Variants in ADNP2 observed in about 807,000 individuals in gnomAD.
ADNP2 encodes ADNP homeobox 2.
A neutral mutation model predicts 16.4 loss-of-function variants in ADNP2; 8 were observed. The ratio of observed to expected loss-of-function variants is 0.49; its 90% CI spans 0.29 to 0.88. The LOEUF is 0.88. Ranked by LOEUF, ADNP2 falls within the 40% of genes least tolerant of loss-of-function variation. The pLI is 0.09. For synonymous variants in ADNP2, 637 were observed against 545.8 expected (o/e 1.17, Z -2.33); for missense variants, 1,397 against 1,395.1 (o/e 1.00, Z -0.02).
At position 80,134,854 on chromosome 18, in the gene ADNP2, T is replaced by C. The variant is rs192753290; in HGVS notation, c.199-758T>C. The stretch of plus-strand genomic sequence containing the variant: ...CTTTACTGTTTTATCAGATAGTTTA[T>C]TGGGTACCTGCATGGGCCAAACACT... On this transcript the variant is annotated intron_variant, in intron 3 of 3. Coordinates refer to ENST00000262198, the MANE Select transcript of ADNP2 (RefSeq NM_014913.4). Among the ~76,000 whole-genome samples the C allele has an allele frequency of 4.1e-4, 62 of 152,324 alleles. 2 individuals carry two copies. The East Asian group carries it at 7.1e-3, about 18-fold the overall frequency.
chr18:80,131,093 C>T (rs1455081570), intron 2 of ADNP2, among the ~76,000 whole-genome samples: 1 of 152,188 alleles, frequency 6.6e-6, no homozygotes, highest in African/African-American at 2.4e-5. Flanking sequence ...TACGTTTCCT[C>T]CCTTCCCTAC....
At chr18:80,133,558 A>T (rs2052512184) in intron 3 of ADNP2, 1 of 207,382 alleles carries the variant, frequency 4.8e-6, no homozygotes, top group African/African-American at 2.4e-5. Context: ...TGAAATAAAA[A>T]TGTAGACCTC....
chr18:80,115,528 A>G (rs2052383584), intron 1 of ADNP2, among the ~76,000 whole-genome samples: 1 of 152,204 alleles, frequency 6.6e-6, no homozygotes, highest in Non-Finnish European at 1.5e-5. Flanking sequence ...GTTGAAAACA[A>G]TGAGTTCACT....
chr18:80,110,212 C>A (rs969973557), intron 1 of ADNP2, among the ~76,000 whole-genome samples: 1 of 152,168 alleles, frequency 6.6e-6, no homozygotes, highest in Non-Finnish European at 1.5e-5. Flanking sequence ...GAAATAGATT[C>A]CGTTTACAAA....
Position 80,138,047 on chromosome 18 carries a change from C to T in ADNP2, c.2634C>T (p.Pro878=), listed in dbSNP as rs1231970009. The T allele has an allele frequency of 6.2e-7, 1 of 1,613,864 alleles. No individual in the cohort carries two copies. Among genetic ancestry groups the T allele is most frequent in the African/African-American group, 1.3e-5 (1 of 75,056 alleles). Residue 878 remains proline (P), a synonymous_variant, in exon 4 of 4, where the codon CCC becomes CCT. Transcript: ENST00000262198. ...GSTGKRVSTC[P]FCFGPFVTTE... ...CCGGCAAGCGAGTGTCCACCTGCCC[C>T]TTTTGCTTTGGCCCCTTTGTGACAA...
At chr18:80,113,918 T>C (rs531087722) in intron 1 of ADNP2, among the ~76,000 whole-genome samples, 7 of 152,220 alleles carry the variant, frequency 4.6e-5, no homozygotes, top group African/African-American at 1.7e-4. Context: ...GAGCTGGGCA[T>C]GGTGGTTCAT....
rs570916938 is a variant in ADNP2 at position 80,115,777 on chromosome 18, G to A, written c.-13-1753G>A. Reference sequence around the variant, plus strand: ...TCTCCCAGCCCTGGCAGCCACTGTTGTGCTTTTTTTTTCTGGGGACGGAGT... The same window carrying A: ...TCTCCCAGCCCTGGCAGCCACTGTTATGCTTTTTTTTTCTGGGGACGGAGT... On this transcript the variant is annotated intron_variant, in intron 1 of 3. Coordinates refer to ENST00000262198, the MANE Select transcript of ADNP2 (RefSeq NM_014913.4). Among the ~76,000 whole-genome samples, 145 of 152,188 alleles carry A rather than the reference G, an allele frequency of 9.5e-4. 1 individual carries two copies. Among genetic ancestry groups the A allele is most frequent in the African/African-American group, 3.4e-3 (141 of 41,518 alleles).
Position 80,138,486 on chromosome 18 carries a change from A to G in ADNP2, c.3073A>G (p.Arg1025Gly), listed in dbSNP as rs2052558723. ...VPFKRQRNES[R>G]TEGPIVKDEA... ...TTTTAAAAGACAAAGGAATGAAAGC[A>G]GAACAGAGGGACCTATTGTCAAGGA... Residue 1025 changes from arginine (R) to glycine (G), a missense_variant, in exon 4 of 4, where the codon AGA becomes GGA. Arg to Gly is a moderately radical substitution (Grantham distance 125, BLOSUM62 -2). Coordinates refer to ENST00000262198, the MANE Select transcript of ADNP2 (RefSeq NM_014913.4). 5.6e-6 allele frequency: 9 copies of G among 1,614,180 alleles called. No homozygotes were observed. Among genetic ancestry groups the G allele is most frequent in the Non-Finnish European group, 7.6e-6 (9 of 1,180,050 alleles).
At position 80,136,450 on chromosome 18, in the gene ADNP2, C is replaced by G. The variant is rs747171404; in HGVS notation, c.1037C>G (p.Thr346Ser). Residue 346 changes from threonine (T) to serine (S), a missense_variant, in exon 4 of 4, where the codon ACC (threonine) becomes AGC (serine). Thr to Ser is a moderately conservative substitution (Grantham distance 58). Coordinates refer to ENST00000262198, the MANE Select transcript of ADNP2 (RefSeq NM_014913.4). ...CTGCCTGTGGGCCAGAACAGCCTCA[C>G]CCTGCAGCCCCCAGCACCTCAGCCC... ...SPLPVGQNSLTLQPPAPQPVF... is the reference protein window; with the variant it reads ...SPLPVGQNSLSLQPPAPQPVF... 6.2e-6 allele frequency: 10 copies of G among 1,614,070 alleles called. No individual in the cohort carries two copies. The South Asian group carries it at 7.7e-5, about 12-fold the overall frequency.
At position 80,140,173 on chromosome 18, in the gene ADNP2, T is replaced by A. The variant is rs1021631412; in HGVS notation, c.*1364T>A. On this transcript the variant is annotated 3_prime_UTR_variant, in exon 4 of 4. Coordinates refer to ENST00000262198, the MANE Select transcript of ADNP2 (RefSeq NM_014913.4). ...GTTACTATGTGGATTTTAAAAAATA[T>A]AATACTTGCATGTAATTGCTATAAT... The A allele has an allele frequency of 6.6e-6, 1 of 152,376 alleles. No homozygotes were observed. The highest frequency in any genetic ancestry group is 1.5e-5 in the Non-Finnish European group (1 of 68,040). The allele number at this position is 152,376 out of a possible 1,614,324, so 9.4% of individuals were successfully genotyped here. A position where few individuals can be genotyped will look rare whatever the true frequency, so the allele number is the denominator to read the frequency against.
chr18:80,133,986 C>T (rs2052515105), intron 3 of ADNP2, among the ~76,000 whole-genome samples: 1 of 152,110 alleles, frequency 6.6e-6, no homozygotes, highest in African/African-American at 2.4e-5. Flanking sequence ...GTGCATGCCA[C>T]CATGCCCAGA....
Position 80,137,735 on chromosome 18 carries a change from C to T in ADNP2, c.2322C>T (p.Phe774=), listed in dbSNP as rs766509897. 24 of 1,614,014 alleles carry T rather than the reference C, an allele frequency of 1.5e-5. No homozygotes were observed. Among genetic ancestry groups the T allele is most frequent in the Non-Finnish European group, 1.9e-5 (23 of 1,180,050 alleles). The change falls in exon 4 of 4, where the codon TTC becomes TTT. Residue 774 remains phenylalanine (F), a synonymous_variant. Transcript: ENST00000262198. This position sits in a 1 kb window ranked among gnomAD's most constrained non-coding sequence, Gnocchi z 4.2. ...TGATGCATGGCTTGGGGTGCTTGTT[C>T]TGTCCATGCACCTTCCATGATATCA... ...HLLMHGLGCL[F]CPCTFHDIKG...
rs1213615395 is a variant in ADNP2, at chr18:80,139,330, A to C, written c.*521A>C. 6.6e-6 allele frequency: 1 copy of C among 151,652 alleles called. No individual in the cohort carries two copies. Among genetic ancestry groups the C allele is most frequent in the African/African-American group, 2.4e-5 (1 of 41,288 alleles). 9.4% of individuals were successfully genotyped at this position (151,652 alleles called of 1,614,324 possible). ...GGATGCACTGCATTAACTTACGCTG[A>C]CTTCTTTGTAAGATCTTTGCTTATA... On this transcript the variant is annotated 3_prime_UTR_variant, in exon 4 of 4. Coordinates refer to ENST00000262198, the MANE Select transcript of ADNP2 (RefSeq NM_014913.4).
At chr18:80,125,896 C>T (rs999779115) in intron 2 of ADNP2, among the ~76,000 whole-genome samples, 7 of 152,170 alleles carry the variant, frequency 4.6e-5, no homozygotes, top group Non-Finnish European at 5.9e-5. Context: ...CTTTTGTGCA[C>T]GGTGTGGCAG....
chr18:80,137,615 G>T lies in ADNP2; in HGVS notation c.2202G>T (p.Ala734=). The change falls in exon 4 of 4, where the codon GCG becomes GCT. Residue 734 remains alanine, a synonymous_variant. Transcript: ENST00000262198. This position sits in a 1 kb window ranked among gnomAD's most constrained non-coding sequence, Gnocchi z 4.2. The stretch of plus-strand genomic sequence containing the variant: ...AACTTGAGCCTGAAAAACTGGCAGC[G>T]TGTGCACCATTTCTAAAGTGGATGA... The part of the protein sequence containing the change: ...GEKLEPEKLA[A]CAPFLKWMRE... 6.2e-7 allele frequency: 1 copy of T among 1,614,210 alleles called. No individual in the cohort carries two copies. Among genetic ancestry groups the T allele is most frequent in the Non-Finnish European group, 8.5e-7 (1 of 1,180,038 alleles).
At position 80,138,582 on chromosome 18, in the gene ADNP2, T is replaced by C. The variant is rs772617987; in HGVS notation, c.3169T>C (p.Phe1057Leu). 6.2e-7 allele frequency: 1 copy of C among 1,609,652 alleles called. No individual in the cohort carries two copies. Among genetic ancestry groups the C allele is most frequent in the East Asian group, 2.2e-5 (1 of 44,890 alleles). Residue 1057 changes from phenylalanine to leucine, a missense_variant, in exon 4 of 4, where the codon TTT becomes CTT. Physicochemically the swap from Phe to Leu is conservative, Grantham distance 22 (BLOSUM62 0). This residue lies in a region of ADNP2 where 611 missense variants were observed against 648.7 expected (regional missense o/e 0.94). Coordinates refer to ENST00000262198, the MANE Select transcript of ADNP2 (RefSeq NM_014913.4). ...EGRSYEEKKQ[F>L]LKDYFHKKPY... ...CCGTTCTTATGAAGAAAAGAAGCAA[T>C]TTCTTAAAGATTATTTCCATAAGAA... is the stretch of plus-strand genomic sequence containing the variant.
At chr18:80,122,408 G>A (rs1215989642) in intron 2 of ADNP2, among the ~76,000 whole-genome samples, 3 of 152,134 alleles carry the variant, frequency 2.0e-5, no homozygotes, top group African/African-American at 7.2e-5. Flanking sequence ...CTTTGATGAG[G>A]ATTGTGTTTG....
chr18:80,128,804 A>T (rs1337833517), intron 2 of ADNP2, among the ~76,000 whole-genome samples: 1 of 152,096 alleles, frequency 6.6e-6, no homozygotes, highest in Non-Finnish European at 1.5e-5. Flanking sequence ...TAAAGTAATC[A>T]TTGTTATAAA....
intron 3 of ADNP2, 82 bp downstream of exon 3, chr18:80,133,274 T>C (rs1179930540): frequency 2.7e-6 from 3 of 1,128,386 alleles, no homozygotes; most frequent in Non-Finnish European, 4.0e-6. Flanking sequence ...ACATCACATG[T>C]ATTGGGGTTG....
Sources: gnomAD v4.1 joint callset for allele counts (sites outside exome capture counted in the v4.1 genomes callset) on GRCh38, gnomAD v4.1.1 for gene constraint, gnomAD v4.1.1 regional missense constraint, Gnocchi (gnomAD v3.1) non-coding constraint, MANE v1.5 for transcripts, NCBI Gene and HGNC (gene_info 2026-07-23, HGNC 2026-07-21) for gene names.